The following HECA variants were observed in gnomAD, a reference collection of about 807,000 sequenced individuals.
HECA encodes the protein headcase protein homolog.
A neutral mutation model predicts 37.6 loss-of-function variants in HECA; 13 were observed. The observed-to-expected ratio is 0.35, with a 90% CI of 0.23 to 0.55. HECA has a LOEUF of 0.55. HECA is among the 20% of genes least tolerant of loss of function. The pLI is 0.90. For synonymous variants in HECA, 307 were observed against 291.5 expected, an observed-to-expected ratio of 1.05 and a Z score of -0.54; for missense variants, 527 against 701.9, an observed-to-expected ratio of 0.75 and a Z score of 2.82.
chr6:139,166,123 T>G (rs1479528804), intron 1 of HECA, 161 bp from the exon 2 acceptor site: 5 of 613,500 alleles, frequency 8.1e-6, no homozygotes, highest in Non-Finnish European at 1.4e-5. Flanking sequence ...CATCATATTA[T>G]TCCCTGGTTC....
intron 1 of HECA, among the ~76,000 whole-genome samples, chr6:139,159,724 CACTT>C (rs768232461): frequency 1.3e-5 from 2 of 152,254 alleles, no homozygotes; most frequent in South Asian, 2.1e-4. Flanking sequence ...ATTTATTAAA[CACTT>C]ATTTATGCAG....
At chr6:139,146,751 A>G (rs2114442673) in intron 1 of HECA, among the ~76,000 whole-genome samples, 1 of 152,352 alleles carries the variant, frequency 6.6e-6, no homozygotes, top group Non-Finnish European at 1.5e-5. Context: ...CTGAAAACAT[A>G]GGGAAGCTCA....
chr6:139,143,753 C>T (rs952477119), intron 1 of HECA, among the ~76,000 whole-genome samples: 9 of 151,156 alleles, frequency 6.0e-5, no homozygotes, highest in Non-Finnish European at 1.2e-4. Context: ...CCCAGCTACT[C>T]GGGAGGCTGA....
chr6:139,162,227 A>G (rs1774815240), intron 1 of HECA, among the ~76,000 whole-genome samples: 1 of 151,968 alleles, frequency 6.6e-6, no homozygotes, highest in South Asian at 2.1e-4. Flanking sequence ...AGGGGAGGAG[A>G]AGGGTTGGAG....
chr6:139,167,383 A>G lies in HECA; in HGVS notation c.1312+59A>G, dbSNP rs1305805675. The G allele has an allele frequency of 7.5e-6, 10 of 1,327,336 alleles. No individual in the cohort carries two copies. In the East Asian group the frequency reaches 1.9e-4, roughly 25 times the overall value. The allele number at this position is 1,327,336 out of a possible 1,614,324, so 82.2% of individuals were successfully genotyped here. ...TTTGTTAAAAACCAAACAACAAACAAGACAGATTGCTCTATTTTGGTGTAG... is the reference window on the plus strand; with the variant it reads ...TTTGTTAAAAACCAAACAACAAACAGGACAGATTGCTCTATTTTGGTGTAG... On this transcript the variant is annotated intron_variant, in intron 2 of 3. Transcript: ENST00000367658.
intron 1 of HECA, chr6:139,155,707 G>C (rs554448755): frequency 6.6e-6 from 1 of 152,026 alleles, no homozygotes; most frequent in African/African-American, 2.4e-5. Context: ...GTGCATTTTC[G>C]TGCTAGGATG....
intron 1 of HECA, among the ~76,000 whole-genome samples, chr6:139,155,160 A>G (rs1358016623): frequency 1.3e-5 from 2 of 152,236 alleles, no homozygotes; most frequent in African/African-American, 2.4e-5. Context: ...CTGTGCTACA[A>G]ACCTGTACAG....
At chr6:139,154,355 C>T (rs1047508219) in intron 1 of HECA, among the ~76,000 whole-genome samples, 1 of 152,114 alleles carries the variant, frequency 6.6e-6, no homozygotes, top group African/African-American at 2.4e-5. Context: ...ATGTGTGCTG[C>T]ACCAAAACAG....
At chr6:139,171,822 T>A (rs1401616678) in intron 2 of HECA, among the ~76,000 whole-genome samples, 2 of 151,566 alleles carry the variant, frequency 1.3e-5, no homozygotes, top group African/African-American at 4.9e-5. Flanking sequence ...GTTGTTGTTG[T>A]TGTTTGTTGT....
chr6:139,161,901 A>G (rs939514528), intron 1 of HECA, among the ~76,000 whole-genome samples: 18 of 152,370 alleles, frequency 1.2e-4, no homozygotes, highest in African/African-American at 3.6e-4. Flanking sequence ...GTCACAGCCC[A>G]GGTGACTGGT....
chr6:139,167,150 T>C lies in HECA; in HGVS notation c.1138T>C (p.Leu380=). 1 of 1,614,144 alleles carries C rather than the reference T, an allele frequency of 6.2e-7. No individual in the cohort carries two copies. The highest frequency in any genetic ancestry group is 8.5e-7 in the Non-Finnish European group (1 of 1,180,032). ...DDAQVGQGED[L]RKFILAALSA... is the part of the protein sequence containing the mutation. ...TGCCCAAGTGGGCCAGGGGGAAGAC[T>C]TGCGGAAGTTCATTCTGGCCGCGCT... The change falls in exon 2 of 4, where the codon TTG becomes CTG. Residue 380 remains leucine, a synonymous_variant. Coordinates refer to ENST00000367658, the MANE Select transcript of HECA (RefSeq NM_016217.3).
intron 1 of HECA, among the ~76,000 whole-genome samples, chr6:139,151,973 C>A (rs1215466360): frequency 6.6e-6 from 1 of 152,140 alleles, no homozygotes; most frequent in Non-Finnish European, 1.5e-5. Flanking sequence ...ACCAAAGGAG[C>A]CTTCCTGTGC....
At chr6:139,143,580 C>T (rs1309158783) in intron 1 of HECA, among the ~76,000 whole-genome samples, 2 of 152,058 alleles carry the variant, frequency 1.3e-5, no homozygotes, top group Non-Finnish European at 2.9e-5. Flanking sequence ...GAAATAAACG[C>T]TGCCAGGCGT....
chr6:139,153,745 C>T (rs1417536580), intron 1 of HECA, among the ~76,000 whole-genome samples: 1 of 152,164 alleles, frequency 6.6e-6, no homozygotes, highest in African/African-American at 2.4e-5. Context: ...ATTTTACATT[C>T]TTTTCTTTAT....
At chr6:139,143,483 T>G (rs999389576) in intron 1 of HECA, among the ~76,000 whole-genome samples, 6 of 152,212 alleles carry the variant, frequency 3.9e-5, no homozygotes, top group Non-Finnish European at 8.8e-5. Context: ...TTTCTTATCA[T>G]AGTTTACTGG....
intron 1 of HECA, among the ~76,000 whole-genome samples, chr6:139,154,557 G>A (rs954718630): frequency 6.6e-6 from 1 of 152,196 alleles, no homozygotes. Flanking sequence ...ACTGGTCTAC[G>A]GATGACCCGT....
rs185793114 is a variant in HECA, at chr6:139,142,388, G to C, written c.271+6721G>C. Among the ~76,000 whole-genome samples, 448 of 152,184 alleles carry C rather than the reference G, an allele frequency of 2.9e-3. 1 individual carries two copies. Among genetic ancestry groups the C allele is most frequent in the Non-Finnish European group, 4.7e-3 (318 of 67,998 alleles). On this transcript the variant is annotated intron_variant, in intron 1 of 3. Coordinates refer to ENST00000367658, the MANE Select transcript of HECA (RefSeq NM_016217.3). ...ATATCCAAGGATTATGCATATTCTC[G>C]TGACTTTTAATACATGCTGACAGAT...
chr6:139,174,139 A>G (rs1775018512), intron 2 of HECA, among the ~76,000 whole-genome samples: 1 of 152,216 alleles, frequency 6.6e-6, no homozygotes, highest in African/African-American at 2.4e-5. Context: ...CCCTTTTTGG[A>G]AAAGTGAATT....
intron 1 of HECA, among the ~76,000 whole-genome samples, chr6:139,163,927 C>G (rs1350958558): frequency 6.6e-6 from 1 of 152,128 alleles, no homozygotes; most frequent in Non-Finnish European, 1.5e-5. Flanking sequence ...ATTCATGTCT[C>G]CTCCACCTCA....
Sources: gnomAD v4.1 joint callset for allele counts (sites outside exome capture counted in the v4.1 genomes callset) on GRCh38, gnomAD v4.1.1 for gene constraint, MANE v1.5 for transcripts, NCBI Gene and HGNC (gene_info 2026-07-23, HGNC 2026-07-21) for gene names.